The following PLPP4 variants were observed in gnomAD, a reference collection of about 807,000 sequenced individuals.
The protein encoded by PLPP4 is diacylglycerol pyrophosphate like 2.
Under a neutral mutation model 32.2 loss-of-function variants are expected in PLPP4, and 20 were observed. The observed-to-expected ratio is 0.62, with a 90% CI of 0.44 to 0.90. PLPP4 has a LOEUF of 0.90. Ranked by LOEUF, PLPP4 falls within the 40% of genes least tolerant of loss-of-function variation. The pLI, the probability that PLPP4 is intolerant of heterozygous loss-of-function variation, is 0.00. For synonymous variants in PLPP4, 127 were observed against 133.0 expected (o/e 0.95, Z 0.31); for missense variants, 257 against 353.1 (o/e 0.73, Z 2.18).
chr10:120,517,761 C>T (rs530303066), intron 3 of PLPP4, among the ~76,000 whole-genome samples: 6 of 152,256 alleles, frequency 3.9e-5, no homozygotes, highest in African/African-American at 1.4e-4. Context: ...GGCTTGTACT[C>T]TTAGTGACCA....
chr10:120,549,566 T>C (rs1222336626), intron 5 of PLPP4, among the ~76,000 whole-genome samples: 1 of 151,900 alleles, frequency 6.6e-6, no homozygotes, highest in Non-Finnish European at 1.5e-5. Context: ...GATAAAGATA[T>C]TGCAGAGAAG....
intron 1 of PLPP4, among the ~76,000 whole-genome samples, chr10:120,474,777 A>G (rs932610267): frequency 1.3e-5 from 2 of 152,202 alleles, no homozygotes; most frequent in Non-Finnish European, 2.9e-5. Flanking sequence ...AATAACTAAT[A>G]TTTATTGAGT....
intron 1 of PLPP4, chr10:120,503,583 A>T: frequency 6.2e-7 from 1 of 1,609,896 alleles, no homozygotes; most frequent in Non-Finnish European, 8.5e-7. Context: ...TCCCTTATGC[A>T]TGGAATTGGT....
chr10:120,589,272 C>G, intron 6 of PLPP4, 31 bp from the exon 7 acceptor site: 1 of 1,603,132 alleles, frequency 6.2e-7, no homozygotes, highest in Non-Finnish European at 8.5e-7. Flanking sequence ...AATGGTAACC[C>G]ATTTTTCCTG....
In PLPP4 at chr10:120,591,492, A is replaced by T. The variant is rs1849992881; in HGVS notation, c.*1990A>T. Among the ~76,000 whole-genome samples the T allele has an allele frequency of 6.6e-6, 1 of 152,234 alleles. No homozygotes were observed. The highest frequency in any genetic ancestry group is 2.4e-5 in the African/African-American group (1 of 41,458). ...AGCAATTGAAAAGACATAATTTTAA[A>T]TTCTGAGCTAAAATTCATTTAAAAT... On this transcript the variant is annotated 3_prime_UTR_variant, in exon 7 of 7. Coordinates refer to ENST00000398250, the MANE Select transcript of PLPP4 (RefSeq NM_001030059.3).
Position 120,518,114 on chromosome 10 carries a change from A to C in PLPP4, c.257-719A>C, listed in dbSNP as rs565595231. ...AACATTTTGCAGTGAAAGCTCTGTG[A>C]CTCATGTTACCTGCCGCCTTCGGGA... On this transcript the variant is annotated intron_variant, in intron 3 of 6. Transcript: ENST00000398250. Among the ~76,000 whole-genome samples the C allele has an allele frequency of 1.2e-4, 18 of 152,218 alleles. No individual in the cohort carries two copies. The East Asian group carries it at 3.3e-3, about 28-fold the overall frequency.
chr10:120,472,194 G>A (rs1433111089), intron 1 of PLPP4, among the ~76,000 whole-genome samples: 2 of 152,076 alleles, frequency 1.3e-5, no homozygotes. Context: ...AGTTCGGTTA[G>A]ATTTGGTTTT....
chr10:120,517,526 G>A (rs534648144), intron 3 of PLPP4, among the ~76,000 whole-genome samples: 55 of 152,292 alleles, frequency 3.6e-4, no homozygotes, highest in African/African-American at 1.3e-3. Context: ...CCCATTGCAT[G>A]CTCAGTGTTT....
intron 5 of PLPP4, among the ~76,000 whole-genome samples, chr10:120,547,565 A>G (rs924216528): frequency 6.6e-6 from 1 of 152,240 alleles, no homozygotes; most frequent in Non-Finnish European, 1.5e-5. Flanking sequence ...GTTTCCATCA[A>G]CAATAGTATT....
intron 5 of PLPP4, among the ~76,000 whole-genome samples, chr10:120,541,752 A>G (rs1370178467): frequency 6.7e-6 from 1 of 150,210 alleles, no homozygotes; most frequent in African/African-American, 2.4e-5. Flanking sequence ...TGTGCATTCA[A>G]GAAGCATGAA....
intron 1 of PLPP4, among the ~76,000 whole-genome samples, chr10:120,479,512 T>C (rs528458877): frequency 6.6e-6 from 1 of 152,338 alleles, no homozygotes; most frequent in South Asian, 2.1e-4. Context: ...CTGTCCGTTA[T>C]TTATTGGTGT....
intron 5 of PLPP4, among the ~76,000 whole-genome samples, chr10:120,571,309 T>C (rs1848931554): frequency 6.6e-6 from 1 of 152,014 alleles, no homozygotes; most frequent in Admixed American, 6.6e-5. Context: ...TTTAAAAATG[T>C]TTAATGCCCT....
chr10:120,475,010 T>G (rs780448332), intron 1 of PLPP4, among the ~76,000 whole-genome samples: 2 of 152,148 alleles, frequency 1.3e-5, no homozygotes, highest in African/African-American at 2.4e-5. Context: ...TGAAACAATT[T>G]ACACCAGATT....
chr10:120,581,352 T>C (rs1343847972), intron 6 of PLPP4: 1 of 960,930 alleles, frequency 1.0e-6, no homozygotes, highest in Non-Finnish European at 1.2e-6. Context: ...TCCTCAGTTG[T>C]TGCCTGAATC....
intron 5 of PLPP4, among the ~76,000 whole-genome samples, chr10:120,527,956 A>G (rs773180137): frequency 6.6e-6 from 1 of 152,154 alleles, no homozygotes; most frequent in African/African-American, 2.4e-5. Flanking sequence ...GAAAGAGGAA[A>G]CAGGAAAGTA....
At chr10:120,531,471 C>G (rs533519226) in intron 5 of PLPP4, among the ~76,000 whole-genome samples, 9 of 152,152 alleles carry the variant, frequency 5.9e-5, no homozygotes, top group Admixed American at 3.3e-4. Flanking sequence ...ATCTAATTTA[C>G]TACTTTCTTC....
In PLPP4 at chr10:120,488,738, G is replaced by T. The variant is rs571358936; in HGVS notation, c.57-15080G>T. ...CCACCACATACCGAGTCAAGCTGTT[G>T]TCTTCAGCCCACCCATTGTCCCACC... On this transcript the variant is annotated intron_variant, in intron 1 of 6. Transcript: ENST00000398250. 8.5e-5 allele frequency among the ~76,000 whole-genome samples: 13 copies of T among 152,326 alleles called. No individual in the cohort carries two copies. In the East Asian group the frequency reaches 2.1e-3, roughly 25 times the overall value.
chr10:120,523,691 C>T (rs1490819162), intron 5 of PLPP4, among the ~76,000 whole-genome samples: 1 of 152,166 alleles, frequency 6.6e-6, no homozygotes, highest in African/African-American at 2.4e-5. Flanking sequence ...TCCCTCCTGT[C>T]ACTTTCTGTC....
intron 5 of PLPP4, among the ~76,000 whole-genome samples, chr10:120,531,087 C>CTTTTTT (rs71019773): frequency 1.0e-5 from 1 of 100,400 alleles, no homozygotes; most frequent in African/African-American, 3.9e-5. Flanking sequence ...CTGTCATTTT[C>CTTTTTT]TTTTTTTTTT....
Sources: allele counts gnomAD v4.1 joint callset (sites outside exome capture counted in the v4.1 genomes callset), GRCh38; gene constraint gnomAD v4.1.1; transcripts MANE v1.5; gene names NCBI Gene and HGNC (gene_info 2026-07-23, HGNC 2026-07-21).